The following MAN1C1 variants were observed in gnomAD, a reference collection of about 807,000 sequenced individuals.
MAN1C1 encodes the protein mannosyl-oligosaccharide 1,2-alpha-mannosidase IC.
MAN1C1 carries 49 observed loss-of-function variants against 71.5 expected under a neutral mutation model. That is an observed-to-expected ratio of 0.69 (90% confidence interval 0.54 to 0.87). The LOEUF (loss-of-function observed/expected upper bound fraction) is 0.87. Among genes scored for constraint, MAN1C1 ranks in the 40% least tolerant of loss-of-function variants. MAN1C1 has a pLI of 0.00. For synonymous variants in MAN1C1, 352 were observed against 343.7 expected (o/e 1.02, Z -0.27); for missense variants, 743 against 835.0 (o/e 0.89, Z 1.36).
chr1:25,751,599 A>G (rs1447143729), intron 4 of MAN1C1, among the ~76,000 whole-genome samples: 1 of 152,246 alleles, frequency 6.6e-6, no homozygotes, highest in Non-Finnish European at 1.5e-5. Context: ...TGTGTCAGTC[A>G]GTGCAGCCCC....
chr1:25,639,487 C>T (rs1326975878), intron 1 of MAN1C1, among the ~76,000 whole-genome samples: 2 of 152,092 alleles, frequency 1.3e-5, no homozygotes, highest in Admixed American at 6.5e-5. Flanking sequence ...AGTTTTTCTC[C>T]CCTCTTTTTG....
chr1:25,624,000 G>A (rs1215831994), intron 1 of MAN1C1, among the ~76,000 whole-genome samples: 1 of 152,212 alleles, frequency 6.6e-6, no homozygotes, highest in Non-Finnish European at 1.5e-5. Flanking sequence ...AGTCCAAAAA[G>A]ACCAGGATCA....
At chr1:25,762,378 C>CT (rs2047372797) in intron 6 of MAN1C1, among the ~76,000 whole-genome samples, 2 of 152,086 alleles carry the variant, frequency 1.3e-5, no homozygotes, top group Admixed American at 6.5e-5. Flanking sequence ...CCAACTCAGC[C>CT]TCCCAAAGTG....
Position 25,753,669 on chromosome 1 carries a change from A to AG in MAN1C1, c.929+95dup. On this transcript the variant is annotated intron_variant, in intron 5 of 11. Coordinates refer to ENST00000374332, the MANE Select transcript of MAN1C1 (RefSeq NM_020379.4). This position sits in a 1 kb window ranked among gnomAD's most constrained non-coding sequence, Gnocchi z 4.9. ...TGGGTGGTGCTGGTGAGGAGGCTCC[A>AG]GGGGCAGTAGGCAGGCAAGCAGGAG... 1.8e-6 allele frequency: 2 copies of AG among 1,136,920 alleles called. No individual in the cohort carries two copies. Among genetic ancestry groups the AG allele is most frequent in the Non-Finnish European group, 2.5e-6 (2 of 789,456 alleles). The allele number at this position is 1,136,920 out of a possible 1,614,324, so 70.4% of individuals were successfully genotyped here.
intron 2 of MAN1C1, among the ~76,000 whole-genome samples, chr1:25,714,719 A>G (rs1364797544): frequency 6.6e-6 from 1 of 152,210 alleles, no homozygotes; most frequent in Non-Finnish European, 1.5e-5. Flanking sequence ...TTGGTTTACA[A>G]TGTCACATAC....
chr1:25,654,234 T>C (rs2045731562), intron 1 of MAN1C1: 1 of 152,272 alleles, frequency 6.6e-6, no homozygotes, highest in African/African-American at 2.4e-5. Context: ...TTGGCTTTCA[T>C]TTCTTAGACA....
intron 2 of MAN1C1, among the ~76,000 whole-genome samples, chr1:25,688,917 G>A (rs2046270070): frequency 6.6e-6 from 1 of 152,200 alleles, no homozygotes; most frequent in Non-Finnish European, 1.5e-5. Flanking sequence ...TGTCTCAGGA[G>A]TAGCCTTGGC....
chr1:25,687,660 G>A (rs1448520956), intron 2 of MAN1C1, among the ~76,000 whole-genome samples: 1 of 152,138 alleles, frequency 6.6e-6, no homozygotes, highest in Non-Finnish European at 1.5e-5. Flanking sequence ...AGAGTGACAG[G>A]AATCTGCCCT....
intron 1 of MAN1C1, among the ~76,000 whole-genome samples, chr1:25,663,918 A>G (rs149089032): frequency 1.3e-5 from 2 of 152,368 alleles, no homozygotes; most frequent in African/African-American, 4.8e-5. Context: ...ATAATGGGAC[A>G]GAATATTTGA....
chr1:25,752,151 C>T (rs1195941562), intron 4 of MAN1C1, among the ~76,000 whole-genome samples: 3 of 152,126 alleles, frequency 2.0e-5, no homozygotes, highest in Non-Finnish European at 4.4e-5. Context: ...CACAGCTGCA[C>T]ACGTGAGGTT....
chr1:25,744,682 C>G (rs1331774938), intron 2 of MAN1C1, among the ~76,000 whole-genome samples: 1 of 152,140 alleles, frequency 6.6e-6, no homozygotes, highest in African/African-American at 2.4e-5. Context: ...TTTTTCAGAC[C>G]TTGCCCAGCC....
At position 25,677,431 on chromosome 1, in the gene MAN1C1, C is replaced by T. The variant is rs187707801; in HGVS notation, c.541-9009C>T. 4.6e-5 allele frequency among the ~76,000 whole-genome samples: 7 copies of T among 151,816 alleles called. No homozygotes were observed. The East Asian group carries it at 9.7e-4, about 21-fold the overall frequency. On this transcript the variant is annotated intron_variant, in intron 1 of 11. Coordinates refer to ENST00000374332, the MANE Select transcript of MAN1C1 (RefSeq NM_020379.4). ...GCAGGGACACACACACACACACACACGTACACACACACAATGACTGCCTGT... is the reference window on the plus strand; with the variant it reads ...GCAGGGACACACACACACACACACATGTACACACACACAATGACTGCCTGT...
intron 1 of MAN1C1, among the ~76,000 whole-genome samples, chr1:25,683,398 G>C (rs2046182705): frequency 6.6e-6 from 1 of 152,226 alleles, no homozygotes; most frequent in African/African-American, 2.4e-5. Context: ...CCAGCCACGT[G>C]TTAAGCTCCA....
intron 2 of MAN1C1, among the ~76,000 whole-genome samples, chr1:25,691,021 A>G (rs2046301771): frequency 6.6e-6 from 1 of 152,140 alleles, no homozygotes; most frequent in African/African-American, 2.4e-5. Context: ...AAGCTAGCTA[A>G]AGAACATGGA....
At position 25,776,722 on chromosome 1, in the gene MAN1C1, T is replaced by C. The variant is rs1389006526; in HGVS notation, c.1258-1383T>C. ...AAATATTACATGGCTGCCGAGATAT[T>C]GTAAGCCAGGAGGGTACCTGAGTGA... On this transcript the variant is annotated intron_variant, in intron 8 of 11. Transcript: ENST00000374332. This position sits in a 1 kb window ranked among gnomAD's most constrained non-coding sequence, Gnocchi z 4.3. 6.6e-6 allele frequency among the ~76,000 whole-genome samples: 1 copy of C among 151,896 alleles called. No homozygotes were observed. Among genetic ancestry groups the C allele is most frequent in the Non-Finnish European group, 1.5e-5 (1 of 67,976 alleles).
At chr1:25,668,094 T>G (rs1452263440) in intron 1 of MAN1C1, among the ~76,000 whole-genome samples, 2 of 152,152 alleles carry the variant, frequency 1.3e-5, no homozygotes, top group Non-Finnish European at 2.9e-5. Context: ...AAAGAAAATA[T>G]GTACTTTGGA....
At chr1:25,655,169 T>C (rs561744817) in intron 1 of MAN1C1, among the ~76,000 whole-genome samples, 1 of 152,312 alleles carries the variant, frequency 6.6e-6, no homozygotes, top group East Asian at 1.9e-4. Flanking sequence ...AGTAAGGAAT[T>C]TATTTACCGT....
At position 25,780,932 on chromosome 1, in the gene MAN1C1, T is replaced by C; in HGVS notation, c.1478-8T>C. 1.2e-6 allele frequency: 2 copies of C among 1,613,288 alleles called. No individual in the cohort carries two copies. Among genetic ancestry groups the C allele is most frequent in the Non-Finnish European group, 1.7e-6 (2 of 1,179,542 alleles). ...TGACCTGGGCCCTCTGCTTGGCTGT[T>C]TCCCCAGACACCAAACTTGGGCCTG... On this transcript the variant is annotated splice_region_variant and splice_polypyrimidine_tract_variant and intron_variant, in intron 9 of 11. Transcript: ENST00000374332.
At chr1:25,780,088 T>C (rs1340732885) in intron 9 of MAN1C1, among the ~76,000 whole-genome samples, 1 of 152,196 alleles carries the variant, frequency 6.6e-6, no homozygotes, top group African/African-American at 2.4e-5. Context: ...CTGTGTTACC[T>C]TGGGCAAATT....
Sources: gnomAD v4.1 joint callset for allele counts (sites outside exome capture counted in the v4.1 genomes callset) on GRCh38, gnomAD v4.1.1 for gene constraint, Gnocchi (gnomAD v3.1) non-coding constraint, MANE v1.5 for transcripts, NCBI Gene and HGNC (gene_info 2026-07-23, HGNC 2026-07-21) for gene names.